FAM171A2: variants seen among roughly 807,000 people sequenced by gnomAD.
FAM171A2 encodes protein FAM171A2.
A neutral mutation model predicts 34.2 loss-of-function variants in FAM171A2; 13 were observed. That is an observed-to-expected ratio of 0.38 (90% confidence interval 0.25 to 0.60). FAM171A2 has a LOEUF of 0.60. FAM171A2 is among the 20% of genes least tolerant of loss of function. The pLI is 0.62. For missense variants in FAM171A2, 950 were observed against 1,180.7 expected, an observed-to-expected ratio of 0.80 and a Z score of 2.86; for synonymous variants, 475 against 561.2, an observed-to-expected ratio of 0.85 and a Z score of 2.17.
chr17:44,353,997 C>A lies in FAM171A2; in HGVS notation c.2217G>T (p.Thr739=). ...DTEPSSSESR[T]GLCSPEDNSL... The stretch of plus-strand genomic sequence containing the variant: ...AGTTGTCCTCCGGAGAGCAGAGGCC[C>A]GTGCGGCTCTCGCTGCTGCTGGGCT... Residue 739 remains threonine, a synonymous_variant, in exon 8 of 8, where the codon ACG becomes ACT. Transcript: ENST00000293443. 3.3e-6 allele frequency: 4 copies of A among 1,224,246 alleles called. No individual in the cohort carries two copies. Among genetic ancestry groups the A allele is most frequent in the Non-Finnish European group, 4.1e-6 (4 of 982,342 alleles). 75.8% of individuals were successfully genotyped at this position (1,224,246 alleles called of 1,614,324 possible). A position where few individuals can be genotyped will look rare whatever the true frequency, so the allele number is the denominator to read the frequency against.
Position 44,354,284 on chromosome 17 carries a change from C to T in FAM171A2, c.1930G>A (p.Glu644Lys). Residue 644 changes from glutamate (E) to lysine (K), a missense_variant, in exon 8 of 8, where the codon GAA becomes AAA. Physicochemically the swap from Glu to Lys is moderately conservative, Grantham distance 56. Around this residue, in one of 3 missense-constraint regions of FAM171A2, gnomAD observed 752 missense variants for 924.5 expected, o/e 0.81. Transcript: ENST00000293443. This position sits in a 1 kb window ranked among gnomAD's most constrained non-coding sequence, Gnocchi z 5.8. ...LQALTEKKLL[E>K]LGVKPHPRAW... ...CGCGGGTGCGGCTTCACGCCCAGTT[C>T]CAGCAGCTTCTTCTCGGTCAGGGCC... 6.9e-7 allele frequency: 1 copy of T among 1,448,806 alleles called. No individual in the cohort carries two copies. Among genetic ancestry groups the T allele is most frequent in the Non-Finnish European group, 9.1e-7 (1 of 1,095,136 alleles). 89.7% of individuals were successfully genotyped at this position (1,448,806 alleles called of 1,614,324 possible).
chr17:44,356,049 A>T lies in FAM171A2; in HGVS notation c.804T>A (p.Gly268=). ...GCTGCCGGCCTTCCTTCCGGATTAC[A>T]CCAGTGCCATTGCGCACCCACAGCC... The part of the protein sequence containing the change: ...KSGLWVRNGT[G]VIRKEGRQLY... The change falls in exon 6 of 8, where the codon GGT becomes GGA. Residue 268 remains glycine (G), a synonymous_variant. Transcript: ENST00000293443. The T allele has an allele frequency of 6.5e-7, 1 of 1,546,880 alleles. No individual in the cohort carries two copies. Among genetic ancestry groups the T allele is most frequent in the African/African-American group, 1.4e-5 (1 of 73,092 alleles).
rs907199066 is a variant in FAM171A2 at position 44,353,310 on chromosome 17, A to T, written c.*423T>A. 5 of 183,210 alleles carry T rather than the reference A, an allele frequency of 2.7e-5. No individual in the cohort carries two copies. The highest frequency in any genetic ancestry group is 9.5e-5 in the African/African-American group (4 of 42,186). The allele number at this position is 183,210 out of a possible 1,614,324, so 11.3% of individuals were successfully genotyped here. A position where few individuals can be genotyped will look rare whatever the true frequency, so the allele number is the denominator to read the frequency against. ...CTGTCCCAGCCACCAGCCCTGTGAC[A>T]TCGTAGCCCAGAGATGGGCTAGTCA... On this transcript the variant is annotated 3_prime_UTR_variant, in exon 8 of 8. Transcript: ENST00000293443.
rs1332234208 is a variant in FAM171A2 at position 44,355,701 on chromosome 17, A to G, written c.1022+14T>C. 4 of 1,551,278 alleles carry G rather than the reference A, an allele frequency of 2.6e-6. No individual in the cohort carries two copies. The highest frequency in any genetic ancestry group is 2.4e-5 in the East Asian group (1 of 40,932). On this transcript the variant is annotated intron_variant, in intron 7 of 7. Transcript: ENST00000293443. This position sits in a 1 kb window ranked among gnomAD's most constrained non-coding sequence, Gnocchi z 4.1. ...TACAAGTGCAGGGGAGGGTGAGGGAAGCCCCGTGCTCACCGGCAGTAGTAG... is the reference window on the plus strand; with the variant it reads ...TACAAGTGCAGGGGAGGGTGAGGGAGGCCCCGTGCTCACCGGCAGTAGTAG...
intron 3 of FAM171A2, among the ~76,000 whole-genome samples, chr17:44,358,054 T>G (rs921955333): frequency 6.6e-6 from 1 of 152,202 alleles, no homozygotes; most frequent in Non-Finnish European, 1.5e-5. Context: ...CCTGCCTTGC[T>G]ATCCAAATAG....
Position 44,353,700 on chromosome 17 carries a change from G to A in FAM171A2, c.*33C>T. On this transcript the variant is annotated 3_prime_UTR_variant, in exon 8 of 8. Coordinates refer to ENST00000293443, the MANE Select transcript of FAM171A2 (RefSeq NM_198475.3). ...GCGCGCACCCTGGGTGCGGGCCCGC[G>A]CGGGAGGGGCGGTGCCAGGCCCTGC... is the stretch of plus-strand genomic sequence containing the variant. 1 of 1,279,882 alleles carries A rather than the reference G, an allele frequency of 7.8e-7. No homozygotes were observed. The highest frequency in any genetic ancestry group is 9.8e-7 in the Non-Finnish European group (1 of 1,015,746). 79.3% of individuals were successfully genotyped at this position (1,279,882 alleles called of 1,614,324 possible).
chr17:44,353,952 G>C lies in FAM171A2; in HGVS notation c.2262C>G (p.Asp754Glu). The change falls in exon 8 of 8, where the codon GAC becomes GAG. Residue 754 changes from aspartate to glutamate, a missense_variant. Asp to Glu is a conservative substitution (Grantham distance 45). Transcript: ENST00000293443. ...PEDNSLTPLLDEVAAPEGRAA... is the reference protein window; with the variant it reads ...PEDNSLTPLLEEVAAPEGRAA... The stretch of plus-strand genomic sequence containing the variant: ...CCCGGCCCTCGGGCGCCGCCACCTC[G>C]TCCAGCAGCGGCGTCAGCGAGTTGT... 1 of 1,295,204 alleles carries C rather than the reference G, an allele frequency of 7.7e-7. No individual in the cohort carries two copies. Among genetic ancestry groups the C allele is most frequent in the Non-Finnish European group, 9.7e-7 (1 of 1,026,034 alleles). 80.2% of individuals were successfully genotyped at this position (1,295,204 alleles called of 1,614,324 possible).
In FAM171A2 at chr17:44,353,621, C is replaced by G. The variant is rs1159223195; in HGVS notation, c.*112G>C. 3.6e-6 allele frequency: 3 copies of G among 824,846 alleles called. No individual in the cohort carries two copies. The highest frequency in any genetic ancestry group is 4.7e-6 in the Non-Finnish European group (3 of 633,984). 51.1% of individuals were successfully genotyped at this position (824,846 alleles called of 1,614,324 possible). The stretch of plus-strand genomic sequence containing the variant: ...GGAACAGCTCCAAGGCCCCTGGGCC[C>G]CTCTCCGGCCTGGGGCTGGGAGCTA... On this transcript the variant is annotated 3_prime_UTR_variant, in exon 8 of 8. Transcript: ENST00000293443.
chr17:44,353,658 C>A lies in FAM171A2; in HGVS notation c.*75G>T. On this transcript the variant is annotated 3_prime_UTR_variant, in exon 8 of 8. Coordinates refer to ENST00000293443, the MANE Select transcript of FAM171A2 (RefSeq NM_198475.3). ...GGGGCTGGGAGCTACGCGCGAGGGC[C>A]CCCGCGGGCCCCCGGGGCGCGCACC... 1.8e-6 allele frequency: 2 copies of A among 1,120,550 alleles called. No homozygotes were observed. The highest frequency in any genetic ancestry group is 3.8e-5 in the East Asian group (1 of 26,268). 69.4% of individuals were successfully genotyped at this position (1,120,550 alleles called of 1,614,324 possible).
intron 3 of FAM171A2, chr17:44,359,312 T>C (rs1184128658): frequency 4.2e-6 from 2 of 476,986 alleles, no homozygotes; most frequent in Non-Finnish European, 3.8e-6. Context: ...AAGGTAGGAA[T>C]AGATGGAGAA....
chr17:44,356,543 CG>C lies in FAM171A2; in HGVS notation c.484del (p.Arg162AlafsTer46). 1 of 1,548,924 alleles carries C rather than the reference CG, an allele frequency of 6.5e-7. No individual in the cohort carries two copies. Among genetic ancestry groups the C allele is most frequent in the Non-Finnish European group, 8.7e-7 (1 of 1,146,506 alleles). On this transcript the variant is annotated frameshift_variant, in exon 4 of 8. Transcript: ENST00000293443. LOFTEE classifies it high-confidence loss of function. ...PLVQFQRRAARLPVSSTYSQL... is the reference protein window; with the variant it reads ...PLVQFQRRAAXLPVSSTYSQL... The stretch of plus-strand genomic sequence containing the variant: ...GCTGTAGGTGGAGCTGACAGGCAGG[CG>C]GGCAGCCCGGCGCTGGAACTGCACC...
At chr17:44,361,217 G>T (rs934025769) in intron 1 of FAM171A2, among the ~76,000 whole-genome samples, 1 of 152,238 alleles carries the variant, frequency 6.6e-6, no homozygotes, top group Non-Finnish European at 1.5e-5. Context: ...TTGTTCCCAT[G>T]GATTCTCCAG....
Position 44,354,937 on chromosome 17 carries a change from G to C in FAM171A2, c.1277C>G (p.Pro426Arg). The C allele has an allele frequency of 2.1e-6, 3 of 1,421,782 alleles. No homozygotes were observed. The highest frequency in any genetic ancestry group is 1.5e-5 in the African/African-American group (1 of 66,340). The allele number at this position is 1,421,782 out of a possible 1,614,324, so 88.1% of individuals were successfully genotyped here. Residue 426 changes from proline (P) to arginine (R), a missense_variant, in exon 8 of 8, where the codon CCG becomes CGG. By Grantham distance (103) the Pro-to-Arg change is moderately radical. This residue lies in a region of FAM171A2 where 752 missense variants were observed against 924.5 expected (regional missense o/e 0.81). Transcript: ENST00000293443. The surrounding 1 kb of genome is among the most constrained non-coding windows in gnomAD (Gnocchi z 5.8). The stretch of plus-strand genomic sequence containing the variant: ...GCGGGCACCCGAAGGCTCGGCGGCC[G>C]GGCGGCTGGCAGAGCGCGGCTTGGT... ...FRTKPRSASR[P>R]AAEPSGARGG...
At chr17:44,356,990 G>C (rs533702408) in intron 3 of FAM171A2, among the ~76,000 whole-genome samples, 15 of 152,302 alleles carry the variant, frequency 9.8e-5, no homozygotes, top group African/African-American at 3.4e-4. Context: ...ACACGTGGCT[G>C]TTAAGCATTT....
chr17:44,359,238 A>G (rs988368691), intron 3 of FAM171A2: 9 of 254,980 alleles, frequency 3.5e-5, no homozygotes, highest in Admixed American at 2.0e-4. Context: ...CTTCCTGTGC[A>G]CCTGTGCATC....
Position 44,355,825 on chromosome 17 carries a change from C to A in FAM171A2, c.912G>T (p.Thr304=), listed in dbSNP as rs373354940. The A allele has an allele frequency of 3.2e-6, 5 of 1,551,594 alleles. 1 individual carries two copies. The South Asian group carries it at 5.9e-5, about 18-fold the overall frequency. ...ASPTAGLVTI[T]SGIQDIGTYH... ...AGGTGCCGATGTCCTGGATGCCCGACGTGATGGTGACCAGCCCTGTGCCAG... is the reference window on the plus strand; with the variant it reads ...AGGTGCCGATGTCCTGGATGCCCGAAGTGATGGTGACCAGCCCTGTGCCAG... Residue 304 remains threonine (T), a synonymous_variant, in exon 7 of 8, where the codon ACG becomes ACT. Transcript: ENST00000293443. The surrounding 1 kb of genome is among the most constrained non-coding windows in gnomAD (Gnocchi z 4.1).
chr17:44,355,699 G>C lies in FAM171A2; in HGVS notation c.1022+16C>G. On this transcript the variant is annotated intron_variant, in intron 7 of 7. Transcript: ENST00000293443. The surrounding 1 kb of genome is among the most constrained non-coding windows in gnomAD (Gnocchi z 4.1). Reference sequence around the variant, plus strand: ...GGTACAAGTGCAGGGGAGGGTGAGGGAAGCCCCGTGCTCACCGGCAGTAGT... The same window carrying C: ...GGTACAAGTGCAGGGGAGGGTGAGGCAAGCCCCGTGCTCACCGGCAGTAGT... 6.4e-7 allele frequency: 1 copy of C among 1,551,316 alleles called. No individual in the cohort carries two copies. The highest frequency in any genetic ancestry group is 8.7e-7 in the Non-Finnish European group (1 of 1,146,930).
At position 44,353,810 on chromosome 17, in the gene FAM171A2, C is replaced by A; in HGVS notation, c.2404G>T (p.Gly802Cys). The A allele has an allele frequency of 7.0e-7, 1 of 1,428,724 alleles. No homozygotes were observed. The highest frequency in any genetic ancestry group is 9.2e-7 in the Non-Finnish European group (1 of 1,092,472). 88.5% of individuals were successfully genotyped at this position (1,428,724 alleles called of 1,614,324 possible). Residue 802 changes from glycine (G) to cysteine (C), a missense_variant, in exon 8 of 8, where the codon GGC becomes TGC. Around this residue, in one of 3 missense-constraint regions of FAM171A2, gnomAD observed 191 missense variants for 222.8 expected, o/e 0.86. Transcript: ENST00000293443. The part of the protein sequence containing the change: ...SPEDELGAEV[G>C]DEAGDKKSPW... ...CTCTTCTTGTCTCCCGCCTCGTCGC[C>A]CACCTCCGCCCCCAGCTCGTCCTCC... is the stretch of plus-strand genomic sequence containing the variant.
intron 5 of FAM171A2, 33 bp from the exon 6 acceptor site, chr17:44,356,107 T>G: frequency 2.6e-6 from 4 of 1,521,936 alleles, no homozygotes; most frequent in Non-Finnish European, 3.5e-6. Context: ...CACACTTGAG[T>G]CGCTCCCACT....
Sources: allele counts gnomAD v4.1 joint callset (sites outside exome capture counted in the v4.1 genomes callset), GRCh38; gene constraint gnomAD v4.1.1; regional missense constraint gnomAD v4.1.1; non-coding constraint Gnocchi (gnomAD v3.1); transcripts MANE v1.5; gene names NCBI Gene and HGNC (gene_info 2026-07-23, HGNC 2026-07-21).